Variants in NEDD9 observed in about 807,000 individuals in gnomAD.
NEDD9 encodes the protein neural precursor cell expressed, developmentally down-regulated 9, also known as enhancer of filamentation 1.
Under a neutral mutation model 76.6 loss-of-function variants are expected in NEDD9, and 26 were observed. That is an observed-to-expected ratio of 0.34 (90% confidence interval 0.25 to 0.47). The LOEUF (loss-of-function observed/expected upper bound fraction) is 0.47, where lower values mean the gene tolerates loss of function less well. NEDD9 is among the 20% of genes least tolerant of loss of function. The pLI, the probability that NEDD9 is intolerant of heterozygous loss-of-function variation, is 1.00. For synonymous variants in NEDD9, 392 were observed against 414.2 expected (o/e 0.95, Z 0.65); for missense variants, 937 against 1,058.5 (o/e 0.89, Z 1.59).
intron 3 of NEDD9, among the ~76,000 whole-genome samples, chr6:11,247,057 C>T (rs1759825309): frequency 6.6e-6 from 1 of 152,150 alleles, no homozygotes; most frequent in Non-Finnish European, 1.5e-5. Context: ...GCCTAGAAGT[C>T]CAATCTTCCC....
At chr6:11,382,342 T>G (rs1348556962), upstream of NEDD9, 6 of 152,216 alleles carry the variant, frequency 3.9e-5, no homozygotes, top group Admixed American at 6.5e-5. Context: ...GTGGCATATG[T>G]ATGTGTGTGT....
chr6:11,328,536 G>A (rs1761974093), intron 2 of NEDD9: 1 of 152,204 alleles, frequency 6.6e-6, no homozygotes, highest in South Asian at 2.1e-4. Flanking sequence ...TATATTAAGT[G>A]TTGGGTGTAG....
intron 2 of NEDD9, among the ~76,000 whole-genome samples, chr6:11,204,426 G>T (rs546236724): frequency 1.1e-4 from 17 of 152,114 alleles, no homozygotes; most frequent in Non-Finnish European, 2.4e-4. Context: ...AAGTCATTTG[G>T]AAAGACAGTC....
intron 1 of NEDD9, among the ~76,000 whole-genome samples, chr6:11,374,820 G>C (rs923627348): frequency 6.6e-6 from 1 of 152,224 alleles, no homozygotes; most frequent in African/African-American, 2.4e-5. Context: ...GAGGGGAAGT[G>C]ACAGTGAGAG....
At chr6:11,372,507 G>C (rs1388829864) in intron 1 of NEDD9, among the ~76,000 whole-genome samples, 1 of 152,110 alleles carries the variant, frequency 6.6e-6, no homozygotes, top group Non-Finnish European at 1.5e-5. Context: ...TTTCTTTTGG[G>C]TATATGTGAG....
Position 11,316,128 on chromosome 6 carries a change from A to G in NEDD9, c.-152-9973T>C, listed in dbSNP as rs117945084. Among the ~76,000 whole-genome samples the G allele has an allele frequency of 4.0e-3, 610 of 152,262 alleles. 6 individuals carry two copies. In the East Asian group the frequency reaches 0.052, roughly 13 times the overall value. On this transcript the variant is annotated intron_variant, in intron 2 of 3. Coordinates refer to the NEDD9 transcript ENST00000397378. The stretch of plus-strand genomic sequence containing the variant: ...CACTCTTGGATGCTGACTATTTACA[A>G]GGACTTTCAACTGCCTCCTTCACCC...
Position 11,360,846 on chromosome 6 carries a change from A to C in NEDD9, c.-214+21293T>G, listed in dbSNP as rs115180190. 4.2e-3 allele frequency among the ~76,000 whole-genome samples: 633 copies of C among 152,348 alleles called. 4 individuals carry two copies. Among genetic ancestry groups the C allele is most frequent in the East Asian group, 0.04 (208 of 5,190 alleles). ...CTACCACTCCTTGCCTACATGCAGA[A>C]TTCAAGAAACAACAATGAGCACTTT... is the stretch of plus-strand genomic sequence containing the variant. On this transcript the variant is annotated intron_variant, in intron 1 of 3. Transcript: ENST00000397378.
Position 11,226,405 on chromosome 6 carries a change from G to T in NEDD9, c.12+6099C>A, listed in dbSNP as rs140298918. ...CCTGTTTCATTTGTCTTGGCGAGAA[G>T]TCCTGGTAATTCAGCCTATATGTTC... On this transcript the variant is annotated intron_variant, in intron 1 of 6. Transcript: ENST00000379446. 6.5e-3 allele frequency among the ~76,000 whole-genome samples: 995 copies of T among 152,294 alleles called. 11 individuals carry two copies. The highest frequency in any genetic ancestry group is 0.023 in the African/African-American group (944 of 41,562).
chr6:11,291,244 G>A (rs530690040), intron 3 of NEDD9, among the ~76,000 whole-genome samples: 1 of 150,484 alleles, frequency 6.6e-6, no homozygotes, highest in South Asian at 2.1e-4. Flanking sequence ...GAATGGCAGA[G>A]CACAGGGCAG....
chr6:11,215,318 G>C (rs979327221), intron 1 of NEDD9, among the ~76,000 whole-genome samples: 1 of 152,204 alleles, frequency 6.6e-6, no homozygotes, highest in Non-Finnish European at 1.5e-5. Context: ...ACAGAGAGGT[G>C]AGCGGCCAGG....
chr6:11,219,151 G>A (rs1303247144), intron 1 of NEDD9, among the ~76,000 whole-genome samples: 1 of 152,106 alleles, frequency 6.6e-6, no homozygotes, highest in African/African-American at 2.4e-5. Context: ...AGAGCTCTAG[G>A]ACACATGACG....
chr6:11,266,488 A>G (rs895324541), intron 3 of NEDD9, among the ~76,000 whole-genome samples: 1 of 152,174 alleles, frequency 6.6e-6, no homozygotes, highest in Non-Finnish European at 1.5e-5. Context: ...AGAAGCCATT[A>G]TATACACAAT....
At chr6:11,333,108 T>C in intron 2 of NEDD9, among the ~76,000 whole-genome samples, 1 of 151,934 alleles carries the variant, frequency 6.6e-6, no homozygotes, top group Non-Finnish European at 1.5e-5. Context: ...AGGACAATTT[T>C]CCCATGAGTC....
Position 11,185,382 on chromosome 6 carries a change from G to A in NEDD9, c.2285C>T (p.Thr762Met), listed in dbSNP as rs1298082411. 1.9e-6 allele frequency: 3 copies of A among 1,614,224 alleles called. No homozygotes were observed. The highest frequency in any genetic ancestry group is 2.2e-5 in the East Asian group (1 of 44,890). The change falls in exon 7 of 7, where the codon ACG becomes ATG. Residue 762 changes from threonine to methionine, a missense_variant. Coordinates refer to ENST00000379446, the MANE Select transcript of NEDD9 (RefSeq NM_006403.4). ...CTGGGCAGTCACCTGCCGTGTCAGCGTGTCTCCAATGAACACCAGTTTGTG... is the reference window on the plus strand; with the variant it reads ...CTGGGCAGTCACCTGCCGTGTCAGCATGTCTCCAATGAACACCAGTTTGTG... Reference protein sequence around the residue: ...SAHKLVFIGDTLTRQVTAQDI... With the variant: ...SAHKLVFIGDMLTRQVTAQDI...
chr6:11,246,516 C>T (rs1349235124), intron 3 of NEDD9, among the ~76,000 whole-genome samples: 2 of 152,160 alleles, frequency 1.3e-5, no homozygotes, highest in African/African-American at 4.8e-5. Context: ...ATCAAGATCT[C>T]ATGCCAGCAT....
intron 1 of NEDD9, among the ~76,000 whole-genome samples, chr6:11,358,587 G>A (rs1762624738): frequency 6.6e-6 from 1 of 152,198 alleles, no homozygotes; most frequent in South Asian, 2.1e-4. Context: ...GGAAAGCTGG[G>A]TATTTTCTTG....
At chr6:11,311,809 T>C (rs1037325714) in intron 2 of NEDD9, among the ~76,000 whole-genome samples, 4 of 152,216 alleles carry the variant, frequency 2.6e-5, no homozygotes, top group African/African-American at 9.7e-5. Context: ...TTTTCACTGG[T>C]GACAGTCTGG....
chr6:11,347,561 C>T (rs1762386441), intron 1 of NEDD9, among the ~76,000 whole-genome samples: 2 of 152,170 alleles, frequency 1.3e-5, no homozygotes, highest in Admixed American at 6.5e-5. Context: ...AAAATACTAG[C>T]AAACCTTTCC....
chr6:11,197,906 G>C (rs1409234541), intron 2 of NEDD9, among the ~76,000 whole-genome samples: 1 of 152,134 alleles, frequency 6.6e-6, no homozygotes, highest in East Asian at 1.9e-4. Flanking sequence ...GGAGGTCTGA[G>C]AACCAGCATG....
Sources: allele counts gnomAD v4.1 joint callset (sites outside exome capture counted in the v4.1 genomes callset), GRCh38; gene constraint gnomAD v4.1.1; transcripts MANE v1.5; gene names NCBI Gene and HGNC (gene_info 2026-07-23, HGNC 2026-07-21).